PLA2G4A: variants seen among roughly 807,000 people sequenced by gnomAD.
PLA2G4A encodes the protein phospholipase A2 group IVA.
In PLA2G4A, 40 loss-of-function variants were observed where a neutral mutation model predicts 81.9. The observed-to-expected ratio is 0.49, with a 90% confidence interval of 0.38 to 0.64. PLA2G4A has a LOEUF of 0.64. PLA2G4A is among the 30% of genes least tolerant of loss of function. The probability of loss-of-function intolerance (pLI) is 0.00; values close to 1 mark genes in which losing one functional copy is unlikely to be tolerated. For missense variants in PLA2G4A, 715 were observed against 905.1 expected (o/e 0.79, Z 2.69); for synonymous variants, 302 against 296.9 (o/e 1.02, Z -0.18).
At chr1:186,988,176 A>G (rs1267783927) in intron 17 of PLA2G4A, among the ~76,000 whole-genome samples, 1 of 152,180 alleles carries the variant, frequency 6.6e-6, no homozygotes, top group Non-Finnish European at 1.5e-5. Context: ...GAGGGAAGGA[A>G]CAGTAGCTGA....
At chr1:186,839,656 C>T (rs1268891761) in intron 1 of PLA2G4A, among the ~76,000 whole-genome samples, 1 of 152,136 alleles carries the variant, frequency 6.6e-6, no homozygotes, top group African/African-American at 2.4e-5. Flanking sequence ...ACAGCACTTT[C>T]AGTTCATTTC....
At chr1:186,865,546 G>T (rs184146042) in intron 2 of PLA2G4A, among the ~76,000 whole-genome samples, 1 of 152,202 alleles carries the variant, frequency 6.6e-6, no homozygotes, top group African/African-American at 2.4e-5. Flanking sequence ...TGCCAGTTGT[G>T]GTGATCATAA....
At chr1:186,960,540 T>C (rs1320411965) in intron 14 of PLA2G4A, among the ~76,000 whole-genome samples, 1 of 152,204 alleles carries the variant, frequency 6.6e-6, no homozygotes, top group African/African-American at 2.4e-5. Context: ...ATACAGTAAA[T>C]TGGGTTTAAG....
chr1:186,888,846 TG>T (rs1654031831), intron 3 of PLA2G4A, among the ~76,000 whole-genome samples: 2 of 17,662 alleles, frequency 1.1e-4, no homozygotes, highest in Non-Finnish European at 1.8e-4. Context: ...TCTTGGAAAA[TG>T]GTTAAAAAAA....
chr1:186,899,853 G>T (rs1654475629), intron 5 of PLA2G4A, among the ~76,000 whole-genome samples: 1 of 152,122 alleles, frequency 6.6e-6, no homozygotes, highest in Admixed American at 6.6e-5. Flanking sequence ...CGAGTGCAGG[G>T]TGACTTGAGG....
intron 12 of PLA2G4A, among the ~76,000 whole-genome samples, chr1:186,949,615 T>A (rs928716932): frequency 6.6e-6 from 1 of 152,184 alleles, no homozygotes; most frequent in Non-Finnish European, 1.5e-5. Context: ...TCAAATTTTT[T>A]ATGTATAATC....
chr1:186,837,577 A>T (rs1336512881), intron 1 of PLA2G4A, among the ~76,000 whole-genome samples: 1 of 150,770 alleles, frequency 6.6e-6, no homozygotes, highest in Non-Finnish European at 1.5e-5. Flanking sequence ...AAAAAAAAAA[A>T]ATACAAAAAA....
chr1:186,833,115 G>A (rs1651657565), intron 1 of PLA2G4A, among the ~76,000 whole-genome samples: 1 of 152,136 alleles, frequency 6.6e-6, no homozygotes, highest in South Asian at 2.1e-4. Flanking sequence ...GACTGTTCAA[G>A]TTTTGTAAGG....
chr1:186,964,604 G>A (rs1436288391), intron 14 of PLA2G4A, among the ~76,000 whole-genome samples: 1 of 152,046 alleles, frequency 6.6e-6, no homozygotes, highest in Non-Finnish European at 1.5e-5. Flanking sequence ...TCAGTGTAAG[G>A]TTTTCTTCTC....
intron 7 of PLA2G4A, among the ~76,000 whole-genome samples, chr1:186,929,863 A>G (rs188309528): frequency 4.0e-4 from 61 of 152,288 alleles, no homozygotes; most frequent in Non-Finnish European, 7.8e-4. Context: ...GGAATTTGAG[A>G]CAAGCCTGGG....
intron 2 of PLA2G4A, among the ~76,000 whole-genome samples, chr1:186,869,050 T>C (rs2102056296): frequency 6.6e-6 from 1 of 152,208 alleles, no homozygotes; most frequent in African/African-American, 2.4e-5. Context: ...TGTTCTAATT[T>C]TTATTAGTTT....
At chr1:186,977,569 T>C in intron 15 of PLA2G4A, 24 bp from the exon 16 acceptor site, 1 of 1,561,216 alleles carries the variant, frequency 6.4e-7, no homozygotes, top group South Asian at 1.1e-5. Flanking sequence ...AATTTCCAAA[T>C]TCATCTTTCC....
chr1:186,830,445 T>TA, intron 1 of PLA2G4A, among the ~76,000 whole-genome samples: 1 of 151,656 alleles, frequency 6.6e-6, no homozygotes, highest in Middle Eastern at 3.4e-3. Flanking sequence ...CCATCTCTAC[T>TA]AAAAATAGAA....
intron 14 of PLA2G4A, among the ~76,000 whole-genome samples, chr1:186,958,848 G>A (rs574645243): frequency 6.6e-6 from 1 of 152,138 alleles, no homozygotes; most frequent in Non-Finnish European, 1.5e-5. Context: ...ATTTGGTGGT[G>A]TTGGGGTTAC....
chr1:186,913,104 A>G (rs1180166159), intron 7 of PLA2G4A, among the ~76,000 whole-genome samples: 1 of 151,298 alleles, frequency 6.6e-6, no homozygotes, highest in African/African-American at 2.4e-5. Flanking sequence ...ATTTTGTAGT[A>G]GAGTTAAACA....
chr1:186,884,407 T>C (rs1653854853), intron 3 of PLA2G4A, among the ~76,000 whole-genome samples: 1 of 151,862 alleles, frequency 6.6e-6, no homozygotes, highest in South Asian at 2.1e-4. Flanking sequence ...ATGATTATAG[T>C]TTGGCCAAGT....
chr1:186,933,638 G>A (rs2102205889), intron 8 of PLA2G4A, among the ~76,000 whole-genome samples: 1 of 152,158 alleles, frequency 6.6e-6, no homozygotes, highest in East Asian at 1.9e-4. Context: ...ATCTGCCTTG[G>A]ACTTACAAGG....
intron 6 of PLA2G4A, among the ~76,000 whole-genome samples, chr1:186,908,497 A>G (rs907127031): frequency 1.3e-5 from 2 of 152,016 alleles, no homozygotes; most frequent in Admixed American, 6.6e-5. Context: ...AGAAAAGAAT[A>G]CTTTCTAAGC....
At chr1:186,956,895 T>C (rs1347170464) in intron 14 of PLA2G4A, among the ~76,000 whole-genome samples, 1 of 151,946 alleles carries the variant, frequency 6.6e-6, no homozygotes, top group Non-Finnish European at 1.5e-5. Flanking sequence ...ATTAATAATA[T>C]TGAGGAGGAC....
Sources: gnomAD v4.1 joint callset for allele counts (sites outside exome capture counted in the v4.1 genomes callset) on GRCh38, gnomAD v4.1.1 for gene constraint, MANE v1.5 for transcripts, NCBI Gene and HGNC (gene_info 2026-07-23, HGNC 2026-07-21) for gene names.